Variants in MAGI2 observed in about 807,000 individuals in gnomAD.
MAGI2 encodes membrane-associated guanylate kinase, WW and PDZ domain-containing protein 2.
A neutral mutation model predicts 133.3 loss-of-function variants in MAGI2; 35 were observed. The ratio of observed to expected loss-of-function variants is 0.26; its 90% confidence interval spans 0.20 to 0.35. The LOEUF (loss-of-function observed/expected upper bound fraction) is 0.35, where lower values mean the gene tolerates loss of function less well. MAGI2 is among the 10% of genes least tolerant of loss of function. The pLI, the probability that MAGI2 is intolerant of heterozygous loss-of-function variation, is 1.00. For missense variants in MAGI2, 1,636 were observed against 1,863.4 expected, an observed-to-expected ratio of 0.88 and a Z score of 2.25; for synonymous variants, 729 against 710.6, an observed-to-expected ratio of 1.03 and a Z score of -0.41.
chr7:79,436,168 T>C (rs1211297645), intron 1 of MAGI2, among the ~76,000 whole-genome samples: 1 of 146,018 alleles, frequency 6.8e-6, no homozygotes, highest in Non-Finnish European at 1.5e-5. Context: ...GAGGTTTCAG[T>C]GAGCCGAGAT....
intron 7 of MAGI2, among the ~76,000 whole-genome samples, chr7:78,363,160 C>A (rs1036038411): frequency 6.6e-6 from 1 of 152,144 alleles, no homozygotes; most frequent in Admixed American, 6.5e-5. Flanking sequence ...GAAGGCTCAA[C>A]GCCTTTGGAA....
chr7:78,917,468 T>C (rs1218575994), intron 2 of MAGI2, among the ~76,000 whole-genome samples: 2 of 152,086 alleles, frequency 1.3e-5, no homozygotes, highest in Non-Finnish European at 2.9e-5. Flanking sequence ...GTGGGATAGA[T>C]GTGGTGGAGA....
At chr7:78,261,762 C>T (rs894470250) in intron 9 of MAGI2, among the ~76,000 whole-genome samples, 6 of 152,070 alleles carry the variant, frequency 3.9e-5, no homozygotes, top group Admixed American at 6.6e-5. Flanking sequence ...AGTTTCCTCT[C>T]GGTTAATAAG....
chr7:78,290,215 A>T (rs1400678039), intron 9 of MAGI2, among the ~76,000 whole-genome samples: 1 of 152,216 alleles, frequency 6.6e-6, no homozygotes, highest in Non-Finnish European at 1.5e-5. Flanking sequence ...CCCATCTCAC[A>T]TGCAGAGACA....
intron 4 of MAGI2, among the ~76,000 whole-genome samples, chr7:78,521,133 C>T (rs1261776040): frequency 6.6e-6 from 1 of 151,836 alleles, no homozygotes; most frequent in African/African-American, 2.4e-5. Flanking sequence ...TATATTGCTA[C>T]TAATATTATA....
At chr7:79,187,580 TAC>T (rs1233377012) in intron 1 of MAGI2, among the ~76,000 whole-genome samples, 1 of 151,924 alleles carries the variant, frequency 6.6e-6, no homozygotes, top group African/African-American at 2.4e-5. Flanking sequence ...TGGATGTAGA[TAC>T]AGTCTTTTAA....
At chr7:78,751,702 A>C (rs1229351986) in intron 2 of MAGI2, among the ~76,000 whole-genome samples, 1 of 152,234 alleles carries the variant, frequency 6.6e-6, no homozygotes, top group Non-Finnish European at 1.5e-5. Context: ...TCCTGGAGAT[A>C]ACAACTATCA....
intron 16 of MAGI2, among the ~76,000 whole-genome samples, chr7:78,153,448 C>T (rs978666875): frequency 2.6e-5 from 4 of 152,176 alleles, no homozygotes; most frequent in South Asian, 2.1e-4. Context: ...TTTATCTCAG[C>T]TTGTTATACA....
At chr7:78,419,600 ATTTT>A (rs149554875) in intron 6 of MAGI2, among the ~76,000 whole-genome samples, 109,915 of 144,592 alleles carry the variant, frequency 0.76, 41,788 homozygotes, top group East Asian at 0.87. Context: ...TTGAGCAGTG[ATTTT>A]TTTTTTTTTT....
chr7:79,268,800 T>C (rs543575960), intron 1 of MAGI2, among the ~76,000 whole-genome samples: 42 of 152,196 alleles, frequency 2.8e-4, no homozygotes, highest in African/African-American at 8.9e-4. Flanking sequence ...AGAAATAACA[T>C]AACAGCTAAT....
At chr7:79,049,781 G>C (rs905023569) in intron 1 of MAGI2, among the ~76,000 whole-genome samples, 2 of 147,510 alleles carry the variant, frequency 1.4e-5, no homozygotes, top group Admixed American at 1.4e-4. Context: ...CTCATATGTA[G>C]AATTTCTGAG....
At chr7:78,991,135 C>G (rs908322456) in intron 2 of MAGI2, among the ~76,000 whole-genome samples, 2 of 151,876 alleles carry the variant, frequency 1.3e-5, no homozygotes, top group Non-Finnish European at 2.9e-5. Flanking sequence ...TGCTTGCTCT[C>G]TCTCTCTCCT....
intron 5 of MAGI2, among the ~76,000 whole-genome samples, chr7:78,493,877 G>C (rs1793849282): frequency 1.3e-5 from 2 of 152,262 alleles, no homozygotes; most frequent in East Asian, 1.9e-4. Context: ...AGAGACAAAA[G>C]AGAGCACTGT....
chr7:78,329,207 G>T (rs1788915083), intron 9 of MAGI2, among the ~76,000 whole-genome samples: 1 of 152,154 alleles, frequency 6.6e-6, no homozygotes, highest in African/African-American at 2.4e-5. Flanking sequence ...TAATGTTTCT[G>T]CAGCTGCAGC....
intron 1 of MAGI2, among the ~76,000 whole-genome samples, chr7:79,419,935 T>A (rs1472860857): frequency 3.3e-5 from 5 of 152,046 alleles, no homozygotes; most frequent in Non-Finnish European, 7.4e-5. Flanking sequence ...TCCACCTACA[T>A]ATACCTACAG....
At chr7:78,776,186 ATTG>A (rs1320820862) in intron 2 of MAGI2, among the ~76,000 whole-genome samples, 2 of 152,218 alleles carry the variant, frequency 1.3e-5, no homozygotes. Flanking sequence ...TATTACCACT[ATTG>A]TTGTCATTAG....
intron 1 of MAGI2, among the ~76,000 whole-genome samples, chr7:79,362,134 T>A (rs1842415292): frequency 6.6e-6 from 1 of 151,862 alleles, no homozygotes; most frequent in South Asian, 2.1e-4. Context: ...ATAGCTTTTT[T>A]TTAAAAAAAC....
rs1342246318 is a variant in MAGI2 at position 79,367,875 on chromosome 7, A to ATATATATATATATATG, written c.301+85144_301+85145insCATATATATATATATA. ...ATATGTGACATATATATATATATAT[A>ATATATATATATATATG]TGTCATTGACTGGTCAGTCTTCTTC... On this transcript the variant is annotated intron_variant, in intron 1 of 21. Coordinates refer to ENST00000354212, the MANE Select transcript of MAGI2 (RefSeq NM_012301.4). Among the ~76,000 whole-genome samples, 20 of 122,100 alleles carry ATATATATATATATATG rather than the reference A, an allele frequency of 1.6e-4. 1 individual carries two copies. The highest frequency in any genetic ancestry group is 1.2e-3 in the East Asian group (5 of 4,166). The allele number at this position is 122,100 out of a possible 152,430, so 80.1% of individuals were successfully genotyped here.
chr7:79,190,737 G>A (rs1038281389), intron 1 of MAGI2, among the ~76,000 whole-genome samples: 13 of 151,608 alleles, frequency 8.6e-5, no homozygotes, highest in South Asian at 2.1e-4. Flanking sequence ...ACCCTTCTAC[G>A]GTTTCTGCCT....
Sources: allele counts gnomAD v4.1 joint callset (sites outside exome capture counted in the v4.1 genomes callset), GRCh38; gene constraint gnomAD v4.1.1; transcripts MANE v1.5; gene names NCBI Gene and HGNC (gene_info 2026-07-23, HGNC 2026-07-21).